Variants in CSTF3 observed in about 807,000 individuals in gnomAD.
CSTF3 encodes the protein cleavage stimulation factor subunit 3.
CSTF3 carries 29 observed loss-of-function variants against 105.8 expected under a neutral mutation model. The observed-to-expected ratio is 0.27, with a 90% CI of 0.20 to 0.37. The LOEUF (loss-of-function observed/expected upper bound fraction) is 0.37. Among genes scored for constraint, CSTF3 ranks in the 10% least tolerant of loss-of-function variants. The probability of loss-of-function intolerance (pLI) is 1.00; values close to 1 mark genes in which losing one functional copy is unlikely to be tolerated. For missense variants in CSTF3, 357 were observed against 879.3 expected (o/e 0.41, Z 7.51); for synonymous variants, 252 against 281.9 (o/e 0.89, Z 1.06).
chr11:33,115,931 T>TA (rs1855426694), intron 3 of CSTF3, among the ~76,000 whole-genome samples: 1 of 152,122 alleles, frequency 6.6e-6, no homozygotes, highest in South Asian at 2.1e-4. Context: ...AAAATATAAA[T>TA]ATGTACATAC....
rs548183021 is a variant in CSTF3, at chr11:33,140,663, C to T, written c.225+1004G>A. ...ATGACCAAAGCCCTTTGAATAGGTC[C>T]AAAACAGACCTAAATATTATCAAAT... On this transcript the variant is annotated intron_variant, in intron 3 of 20. Coordinates refer to ENST00000323959, the MANE Select transcript of CSTF3 (RefSeq NM_001326.3). Among the ~76,000 whole-genome samples, 4 of 151,948 alleles carry T rather than the reference C, an allele frequency of 2.6e-5. No individual in the cohort carries two copies. In the South Asian group the frequency reaches 8.3e-4, roughly 32 times the overall value.
At chr11:33,130,840 A>C (rs1175750834) in intron 3 of CSTF3, among the ~76,000 whole-genome samples, 1 of 151,992 alleles carries the variant, frequency 6.6e-6, no homozygotes, top group Non-Finnish European at 1.5e-5. Context: ...TTTTGTCTCT[A>C]CCAAAAACAA....
intron 1 of CSTF3, among the ~76,000 whole-genome samples, chr11:33,160,327 A>G (rs567624708): frequency 1.3e-5 from 2 of 152,136 alleles, no homozygotes; most frequent in African/African-American, 4.8e-5. Context: ...ATCTCTGCCA[A>G]CCTCCAATAA....
chr11:33,088,226 A>G (rs1295090044), intron 17 of CSTF3, among the ~76,000 whole-genome samples: 1 of 152,182 alleles, frequency 6.6e-6, no homozygotes, highest in Non-Finnish European at 1.5e-5. Context: ...AAGAGTAGAA[A>G]TAGAAATACA....
At chr11:33,113,205 CAAAA>C (rs1565008328) in intron 3 of CSTF3, among the ~76,000 whole-genome samples, 27 of 109,888 alleles carry the variant, frequency 2.5e-4, no homozygotes. Flanking sequence ...GACTTTGTCT[CAAAA>C]TAAATAAATA....
intron 3 of CSTF3, among the ~76,000 whole-genome samples, chr11:33,125,075 T>A (rs994376501): frequency 6.6e-6 from 1 of 152,236 alleles, no homozygotes; most frequent in African/African-American, 2.4e-5. Flanking sequence ...GAAATTTCAG[T>A]ATTTCTCTCT....
chr11:33,142,788 G>A (rs981072196), intron 1 of CSTF3, among the ~76,000 whole-genome samples: 25 of 152,100 alleles, frequency 1.6e-4, no homozygotes, highest in African/African-American at 5.5e-4. Flanking sequence ...CGCTTTTTAC[G>A]TATTTATAAA....
chr11:33,136,531 A>T (rs1855654993), intron 3 of CSTF3, among the ~76,000 whole-genome samples: 1 of 152,024 alleles, frequency 6.6e-6, no homozygotes, highest in Non-Finnish European at 1.5e-5. Flanking sequence ...CTGATGCGTT[A>T]AAGAAAATAC....
At chr11:33,128,066 CT>C (rs2133790933) in intron 3 of CSTF3, among the ~76,000 whole-genome samples, 1 of 152,182 alleles carries the variant, frequency 6.6e-6, no homozygotes, top group East Asian at 1.9e-4. Flanking sequence ...ATTGGATAAG[CT>C]AGACGCTGGC....
chr11:33,117,026 G>T (rs1371566359), intron 3 of CSTF3, among the ~76,000 whole-genome samples: 3 of 151,836 alleles, frequency 2.0e-5, no homozygotes, highest in Non-Finnish European at 2.9e-5. Context: ...GGTATAAATT[G>T]TCTGATTAAA....
At chr11:33,112,742 A>G (rs1344269988) in intron 3 of CSTF3, among the ~76,000 whole-genome samples, 2 of 152,232 alleles carry the variant, frequency 1.3e-5, no homozygotes, top group African/African-American at 4.8e-5. Flanking sequence ...CATCTTAGCT[A>G]TAAGTATTCC....
chr11:33,089,471 GTCA>G (rs1295619249), intron 17 of CSTF3, among the ~76,000 whole-genome samples: 1 of 152,042 alleles, frequency 6.6e-6, no homozygotes, highest in Non-Finnish European at 1.5e-5. Context: ...TTAGCTTAAA[GTCA>G]AAGTTTCTAA....
chr11:33,090,808 T>G, intron 16 of CSTF3, 81 bp from the exon 17 acceptor site: 1 of 834,552 alleles, frequency 1.2e-6, no homozygotes, highest in African/African-American at 1.7e-5. Context: ...CGCCTTAAGC[T>G]CTCTCTTTTT....
chr11:33,139,192 G>C (rs1183272492), intron 3 of CSTF3, among the ~76,000 whole-genome samples: 2 of 151,628 alleles, frequency 1.3e-5, no homozygotes, highest in East Asian at 3.8e-4. Flanking sequence ...GGATTTGCAA[G>C]GAGTTTCTCT....
intron 3 of CSTF3, among the ~76,000 whole-genome samples, chr11:33,119,362 G>C (rs1855464419): frequency 6.6e-6 from 1 of 151,590 alleles, no homozygotes; most frequent in Non-Finnish European, 1.5e-5. Flanking sequence ...TAACTTTCTT[G>C]TTGGCAATTT....
intron 17 of CSTF3, 71 bp downstream of exon 17, chr11:33,090,461 A>G: frequency 8.1e-6 from 7 of 860,326 alleles, no homozygotes; most frequent in Non-Finnish European, 1.2e-5. Flanking sequence ...TTTAGAGTGC[A>G]GGTTATCAAT....
In CSTF3 at chr11:33,141,717, C is replaced by G; in HGVS notation, c.175G>C (p.Ala59Pro). ...KARKTYERLV[A>P]QFPSSGRFWK... ...AATCTGCCAGAACTGGGGAACTGGG[C>G]AACAAGGCGTTCATAAGTCTTCCGT... is the stretch of plus-strand genomic sequence containing the variant. Residue 59 changes from alanine to proline, a missense_variant, in exon 3 of 21, where the codon GCC becomes CCC. Transcript: ENST00000323959. The G allele has an allele frequency of 6.2e-7, 1 of 1,611,328 alleles. No individual in the cohort carries two copies. Among genetic ancestry groups the G allele is most frequent in the East Asian group, 2.2e-5 (1 of 44,854 alleles).
intron 3 of CSTF3, among the ~76,000 whole-genome samples, chr11:33,109,698 A>G (rs889051868): frequency 6.6e-6 from 1 of 152,136 alleles, no homozygotes; most frequent in Admixed American, 6.6e-5. Flanking sequence ...AGTAATTATC[A>G]TTTACTTTTA....
chr11:33,161,271 A>C, intron 1 of CSTF3, 28 bp downstream of exon 1: 1 of 1,612,662 alleles, frequency 6.2e-7, no homozygotes, highest in Non-Finnish European at 8.5e-7. Context: ...AGAGGTCGCC[A>C]CGAGGCCCCA....
Sources: gnomAD v4.1 joint callset for allele counts (sites outside exome capture counted in the v4.1 genomes callset) on GRCh38, gnomAD v4.1.1 for gene constraint, MANE v1.5 for transcripts, NCBI Gene and HGNC (gene_info 2026-07-23, HGNC 2026-07-21) for gene names.